The following PIK3CA variants were observed in gnomAD, a reference collection of about 807,000 sequenced individuals.
PIK3CA encodes the protein phosphatidylinositol-4,5-bisphosphate 3-kinase catalytic subunit alpha.
Under a neutral mutation model 138.2 loss-of-function variants are expected in PIK3CA, and 27 were observed. The observed-to-expected ratio is 0.20, with a 90% confidence interval of 0.14 to 0.27. PIK3CA has a LOEUF of 0.27. Ranked by LOEUF, PIK3CA falls within the 10% of genes least tolerant of loss-of-function variation. PIK3CA has a pLI of 1.00. For missense variants in PIK3CA, 544 were observed against 1,277.4 expected, an observed-to-expected ratio of 0.43 and a Z score of 8.75; for synonymous variants, 358 against 413.2, an observed-to-expected ratio of 0.87 and a Z score of 1.62.
rs567380496 is a variant in PIK3CA, at chr3:179,162,883, G to A, written c.-77+14280G>A. Among the ~76,000 whole-genome samples, 5 of 151,736 alleles carry A rather than the reference G, an allele frequency of 3.3e-5. No individual in the cohort carries two copies. In the East Asian group the frequency reaches 9.7e-4, roughly 29 times the overall value. On this transcript the variant is annotated intron_variant, in intron 1 of 20. Transcript: ENST00000263967. ...TTAAAAAAAAAAAAGTGAGAAATTA[G>A]CAAGGTAATTTTTAATTTTGTCTGA... is the stretch of plus-strand genomic sequence containing the variant.
rs141065099 is a variant in PIK3CA, at chr3:179,224,060, C to T, written c.2188-21C>T. 5.0e-4 allele frequency: 672 copies of T among 1,336,858 alleles called. 5 individuals are homozygous for T. In the African/African-American group the frequency reaches 8.4e-3, roughly 17 times the overall value. 82.8% of individuals were successfully genotyped at this position (1,336,858 alleles called of 1,614,324 possible). On this transcript the variant is annotated intron_variant, in intron 14 of 20. Coordinates refer to ENST00000263967, the MANE Select transcript of PIK3CA (RefSeq NM_006218.4). Reference sequence around the variant, plus strand: ...TTATTAAGTCAGTTTCTTACTGTGACTATCCTTTTTTTTTAATCAGGTACA... The same window carrying T: ...TTATTAAGTCAGTTTCTTACTGTGATTATCCTTTTTTTTTAATCAGGTACA...
At position 179,198,744 on chromosome 3, in the gene PIK3CA, A is replaced by T; in HGVS notation, c.-76-6A>T. 1 of 700,524 alleles carries T rather than the reference A, an allele frequency of 1.4e-6. No individual in the cohort carries two copies. The highest frequency in any genetic ancestry group is 2.3e-6 in the Non-Finnish European group (1 of 427,690). 43.4% of individuals were successfully genotyped at this position (700,524 alleles called of 1,614,324 possible). ...TTTTAACATATGTTTTCCTTCTTTG[A>T]TTTAGGTTTCTGCTTTGGGACAACC... On this transcript the variant is annotated splice_polypyrimidine_tract_variant and splice_region_variant and intron_variant, in intron 1 of 20. Transcript: ENST00000263967.
intron 1 of PIK3CA, among the ~76,000 whole-genome samples, chr3:179,170,899 C>T: frequency 6.6e-6 from 1 of 152,000 alleles, no homozygotes; most frequent in East Asian, 1.9e-4. Context: ...GATAAGTAAA[C>T]AGAAAACAGG....
intron 1 of PIK3CA, among the ~76,000 whole-genome samples, chr3:179,178,279 A>C (rs1214658075): frequency 1.3e-5 from 2 of 149,510 alleles, no homozygotes; most frequent in Non-Finnish European, 3.0e-5. Context: ...AAAAAAAAAA[A>C]ACTCAGAAAT....
At chr3:179,186,317 GTTTC>G (rs748008477) in intron 1 of PIK3CA, among the ~76,000 whole-genome samples, 14 of 152,090 alleles carry the variant, frequency 9.2e-5, no homozygotes, top group East Asian at 3.8e-4. Context: ...GTACCCTTTT[GTTTC>G]TTTCTTTAGC....
intron 20 of PIK3CA, 114 bp from the exon 21 acceptor site, chr3:179,233,980 T>C: frequency 1.5e-6 from 1 of 685,084 alleles, no homozygotes; most frequent in Non-Finnish European, 2.4e-6. Context: ...GGAATGCTAT[T>C]TTTTTATAGC....
At chr3:179,217,174 A>G (rs1344881490) in intron 9 of PIK3CA, among the ~76,000 whole-genome samples, 2 of 152,134 alleles carry the variant, frequency 1.3e-5, no homozygotes, top group African/African-American at 4.8e-5. Context: ...TCCATCTGCA[A>G]TAGTCTTTCC....
chr3:179,182,615 GAGCCGTGTTCGTAGCACTGTACTCC>G (rs1178849547), intron 1 of PIK3CA, among the ~76,000 whole-genome samples: 1 of 152,074 alleles, frequency 6.6e-6, no homozygotes, highest in Non-Finnish European at 1.5e-5. Context: ...GGGCTGTAGT[GAGCCGTGTTCGTAGCACTGTACTCC>G]AGCCTGGATA....
rs1352904307 is a variant in PIK3CA at position 179,235,344 on chromosome 3, C to T, written c.*980C>T. On this transcript the variant is annotated 3_prime_UTR_variant, in exon 21 of 21. Coordinates refer to ENST00000263967, the MANE Select transcript of PIK3CA (RefSeq NM_006218.4). ...ATAGAAACTATCATTAATATATATT[C>T]TTTATTTACATGATCTGTCCCATAG... is the stretch of plus-strand genomic sequence containing the variant. 1 of 178,606 alleles carries T rather than the reference C, an allele frequency of 5.6e-6. No homozygotes were observed. Among genetic ancestry groups the T allele is most frequent in the Non-Finnish European group, 1.2e-5 (1 of 83,638 alleles). The allele number at this position is 178,606 out of a possible 1,614,324, so 11.1% of individuals were successfully genotyped here. A position where few individuals can be genotyped will look rare whatever the true frequency, so the allele number is the denominator to read the frequency against.
At chr3:179,173,425 A>G (rs1723613630) in intron 1 of PIK3CA, among the ~76,000 whole-genome samples, 1 of 150,012 alleles carries the variant, frequency 6.7e-6, no homozygotes, top group Admixed American at 6.6e-5. Context: ...AAAAAAAAAA[A>G]AAACTTAGCC....
At position 179,219,488 on chromosome 3, in the gene PIK3CA, A is replaced by G. The variant is rs1247453671; in HGVS notation, c.1747-83A>G. 8 of 690,870 alleles carry G rather than the reference A, an allele frequency of 1.2e-5. No individual in the cohort carries two copies. Among genetic ancestry groups the G allele is most frequent in the African/African-American group, 1.8e-5 (1 of 55,182 alleles). The allele number at this position is 690,870 out of a possible 1,614,324, so 42.8% of individuals were successfully genotyped here. ...ATTTATCTAAACTAATTTTAAAATC[A>G]GAAGTTAAGGCAGTGTTTTAGATGG... On this transcript the variant is annotated intron_variant, in intron 11 of 20. Coordinates refer to ENST00000263967, the MANE Select transcript of PIK3CA (RefSeq NM_006218.4). The surrounding 1 kb of genome is among the most constrained non-coding windows in gnomAD (Gnocchi z 4.2).
chr3:179,152,257 C>T (rs1382954014), intron 1 of PIK3CA, among the ~76,000 whole-genome samples: 1 of 152,116 alleles, frequency 6.6e-6, no homozygotes, highest in African/African-American at 2.4e-5. Context: ...TATACACACA[C>T]ACGCAAAAAA....
intron 1 of PIK3CA, among the ~76,000 whole-genome samples, chr3:179,158,420 A>C (rs78735718): frequency 1.6e-4 from 24 of 152,226 alleles, no homozygotes; most frequent in African/African-American, 5.8e-4. Flanking sequence ...TCGAATTCCC[A>C]GCACTTATCT....
In PIK3CA at chr3:179,234,005, C is replaced by T. The variant is rs960096978; in HGVS notation, c.2937-89C>T. The T allele has an allele frequency of 2.4e-6, 2 of 848,148 alleles. No homozygotes were observed. Among genetic ancestry groups the T allele is most frequent in the East Asian group, 2.5e-5 (1 of 39,958 alleles). The allele number at this position is 848,148 out of a possible 1,614,324, so 52.5% of individuals were successfully genotyped here. A position where few individuals can be genotyped will look rare whatever the true frequency, so the allele number is the denominator to read the frequency against. ...TTTTTTATAGCTTTGTCTACGAAAGCCTCTCTAATTTTGTGACATTTGAGC... is the reference window on the plus strand; with the variant it reads ...TTTTTTATAGCTTTGTCTACGAAAGTCTCTCTAATTTTGTGACATTTGAGC... On this transcript the variant is annotated intron_variant, in intron 20 of 20. Coordinates refer to ENST00000263967, the MANE Select transcript of PIK3CA (RefSeq NM_006218.4). This position sits in a 1 kb window ranked among gnomAD's most constrained non-coding sequence, Gnocchi z 5.1.
chr3:179,183,474 C>G (rs1377572781), intron 1 of PIK3CA, among the ~76,000 whole-genome samples: 2 of 152,066 alleles, frequency 1.3e-5, no homozygotes. Context: ...ATGGATTTAT[C>G]TGATTAATTT....
intron 1 of PIK3CA, among the ~76,000 whole-genome samples, chr3:179,173,705 T>C (rs576265525): frequency 6.6e-6 from 1 of 152,278 alleles, no homozygotes; most frequent in East Asian, 1.9e-4. Context: ...AGAAAACTTG[T>C]AGAGGTGGGT....
chr3:179,151,719 T>A (rs898690440), intron 1 of PIK3CA, among the ~76,000 whole-genome samples: 2 of 152,238 alleles, frequency 1.3e-5, no homozygotes, highest in African/African-American at 4.8e-5. Context: ...GCTCCCTTGG[T>A]CTTTTCATAC....
chr3:179,202,977 G>A (rs1724455576), intron 4 of PIK3CA, among the ~76,000 whole-genome samples: 1 of 121,846 alleles, frequency 8.2e-6, no homozygotes, highest in African/African-American at 3.3e-5. Flanking sequence ...GTCTTGCTCT[G>A]TCGCCCAGGC....
In PIK3CA at chr3:179,220,613, C is replaced by T. The variant is rs1213042576; in HGVS notation, c.2016-373C>T. On this transcript the variant is annotated intron_variant, in intron 13 of 20. Transcript: ENST00000263967. This position sits in a 1 kb window ranked among gnomAD's most constrained non-coding sequence, Gnocchi z 4.1. ...TGGAACCCAGAAGTTAAGTTGAAAA[C>T]AAGAAGCATAGGCGTGTGTCAGAAG... 6.6e-6 allele frequency among the ~76,000 whole-genome samples: 1 copy of T among 152,054 alleles called. No homozygotes were observed. Among genetic ancestry groups the T allele is most frequent in the Non-Finnish European group, 1.5e-5 (1 of 67,986 alleles).
Sources: allele counts gnomAD v4.1 joint callset (sites outside exome capture counted in the v4.1 genomes callset), GRCh38; gene constraint gnomAD v4.1.1; non-coding constraint Gnocchi (gnomAD v3.1); transcripts MANE v1.5; gene names NCBI Gene and HGNC (gene_info 2026-07-23, HGNC 2026-07-21).